ANK2: variants seen among roughly 807,000 people sequenced by gnomAD.
ANK2 encodes ankyrin 2, also known as ankyrin-2.
A neutral mutation model predicts 360.5 loss-of-function variants in ANK2; 83 were observed. The observed-to-expected ratio is 0.23, with a 90% CI of 0.19 to 0.28. The LOEUF (loss-of-function observed/expected upper bound fraction) is 0.28. Among genes scored for constraint, ANK2 ranks in the 10% least tolerant of loss-of-function variants. The probability of loss-of-function intolerance (pLI) is 1.00; values close to 1 mark genes in which losing one functional copy is unlikely to be tolerated. For missense variants in ANK2, 4,201 were observed against 4,795.7 expected (o/e 0.88, Z 3.66); for synonymous variants, 1,740 against 1,759.5 (o/e 0.99, Z 0.28).
At chr4:112,788,026 A>C in the ANK2 span, 4 of 902,630 alleles carry the variant, frequency 4.4e-6, no homozygotes, top group Non-Finnish European at 7.0e-6. Context: ...ATTTCTTTGA[A>C]GGAAAATTTG....
rs937380410 is a variant in ANK2 at position 113,315,742 on chromosome 4, C to G, written c.2694-1965C>G. Among the ~76,000 whole-genome samples, 6 of 151,442 alleles carry G rather than the reference C, an allele frequency of 4.0e-5. 1 individual carries two copies. The highest frequency in any genetic ancestry group is 6.6e-5 in the Admixed American group (1 of 15,230). On this transcript the variant is annotated intron_variant, in intron 24 of 45. Coordinates refer to ENST00000357077, the MANE Select transcript of ANK2 (RefSeq NM_001148.6). ...TGAAACCCTGTCTCTACTAAAAATA[C>G]AAAAAAATTAGCCAGGCGTGGTGGC...
At chr4:113,075,472 T>C (rs568283789) in intron 1 of ANK2, among the ~76,000 whole-genome samples, 9 of 152,276 alleles carry the variant, frequency 5.9e-5, no homozygotes, top group East Asian at 5.8e-4. Context: ...AAAGATGTCC[T>C]CAACATCACC....
At chr4:113,376,142 G>T (rs988563148) in intron 45 of ANK2, among the ~76,000 whole-genome samples, 1 of 152,160 alleles carries the variant, frequency 6.6e-6, no homozygotes, top group East Asian at 1.9e-4. Flanking sequence ...TAATGACAGG[G>T]ATATGTGCTG....
At chr4:113,135,557 A>ATGATAAGAG (rs1220734057) in intron 1 of ANK2, among the ~76,000 whole-genome samples, 2 of 151,558 alleles carry the variant, frequency 1.3e-5, no homozygotes, top group African/African-American at 4.8e-5. Context: ...GTAGACATTT[A>ATGATAAGAG]TGATAAGAGT....
At chr4:112,954,415 A>C (rs1288260987) in intron 2 of ANK2, among the ~76,000 whole-genome samples, 4 of 152,166 alleles carry the variant, frequency 2.6e-5, no homozygotes, top group Non-Finnish European at 5.9e-5. Flanking sequence ...TTGTGGAAAC[A>C]ATGAGATAAG....
intron 22 of ANK2, among the ~76,000 whole-genome samples, chr4:113,298,396 G>T (rs2153776242): frequency 6.6e-6 from 1 of 152,304 alleles, no homozygotes; most frequent in African/African-American, 2.4e-5. Flanking sequence ...CACTAAGTAT[G>T]CTGTGGTGGC....
intron 2 of ANK2, among the ~76,000 whole-genome samples, chr4:112,969,424 G>A (rs572903345): frequency 7.6e-4 from 115 of 152,074 alleles, no homozygotes; most frequent in African/African-American, 2.6e-3. Context: ...TTTATCTTCC[G>A]CCTTCCTCTC....
At chr4:113,140,133 C>T (rs560889559) in intron 1 of ANK2, among the ~76,000 whole-genome samples, 130 of 152,260 alleles carry the variant, frequency 8.5e-4, no homozygotes, top group African/African-American at 2.8e-3. Flanking sequence ...TACCCAAACA[C>T]GGAAGAAAAT....
intron 2 of ANK2, among the ~76,000 whole-genome samples, chr4:112,938,603 A>G (rs760925473): frequency 1.1e-4 from 17 of 152,244 alleles, no homozygotes; most frequent in Non-Finnish European, 1.9e-4. Context: ...AAACAAAAAG[A>G]ATGCATTCCA....
At chr4:112,912,786 G>A (rs900045431) in intron 2 of ANK2, among the ~76,000 whole-genome samples, 2 of 152,018 alleles carry the variant, frequency 1.3e-5, no homozygotes, top group Admixed American at 6.6e-5. Context: ...GGCTGAGGTG[G>A]GAGGATAGCT....
At chr4:112,886,490 C>A (rs2078392712) in intron 1 of ANK2, among the ~76,000 whole-genome samples, 1 of 151,810 alleles carries the variant, frequency 6.6e-6, no homozygotes, top group Admixed American at 6.6e-5. Context: ...TGGTGAAACT[C>A]GTCTCTATTA....
intron 1 of ANK2, among the ~76,000 whole-genome samples, chr4:112,867,562 C>G (rs762119466): frequency 6.6e-6 from 1 of 152,044 alleles, no homozygotes; most frequent in East Asian, 1.9e-4. Context: ...CCCTTTCCCC[C>G]CTACTCCCTC....
At chr4:112,924,388 C>A (rs886746493) in intron 2 of ANK2, among the ~76,000 whole-genome samples, 2 of 149,066 alleles carry the variant, frequency 1.3e-5, no homozygotes. Flanking sequence ...AAAAGAAAAA[C>A]AGAAAAAAAG....
chr4:112,728,061 A>G, the ANK2 span, among the ~76,000 whole-genome samples: 22 of 151,930 alleles, frequency 1.4e-4, no homozygotes, highest in Non-Finnish European at 1.0e-4. Flanking sequence ...TTGGGAGGCC[A>G]AGGAAGGCGG....
intron 2 of ANK2, among the ~76,000 whole-genome samples, chr4:113,023,717 G>C (rs2058658826): frequency 6.6e-6 from 1 of 152,198 alleles, no homozygotes; most frequent in African/African-American, 2.4e-5. Flanking sequence ...ACCATAGGCT[G>C]TATGACAGCG....
chr4:112,907,584 A>T (rs1388289158), intron 2 of ANK2, among the ~76,000 whole-genome samples: 1 of 152,162 alleles, frequency 6.6e-6, no homozygotes, highest in Admixed American at 6.5e-5. Flanking sequence ...GAAAAGTACA[A>T]TTCTAGGTGA....
chr4:113,272,716 A>G (rs2153683142), intron 14 of ANK2, among the ~76,000 whole-genome samples: 1 of 152,276 alleles, frequency 6.6e-6, no homozygotes, highest in Admixed American at 6.5e-5. Flanking sequence ...CCTCTAGTCA[A>G]TGATTGCCAC....
At chr4:113,085,679 A>G (rs1044865922) in intron 1 of ANK2, among the ~76,000 whole-genome samples, 3 of 152,188 alleles carry the variant, frequency 2.0e-5, no homozygotes, top group African/African-American at 7.2e-5. Context: ...TCTAAGAGAT[A>G]ACTTTGTAAA....
intron 45 of ANK2, chr4:113,378,220 C>A (rs2097029276): frequency 3.8e-6 from 4 of 1,042,810 alleles, no homozygotes; most frequent in Non-Finnish European, 5.1e-6. Flanking sequence ...CCAACTAACA[C>A]CATAAAAATT....
Sources: allele counts gnomAD v4.1 joint callset (sites outside exome capture counted in the v4.1 genomes callset), GRCh38; gene constraint gnomAD v4.1.1; transcripts MANE v1.5; gene names NCBI Gene and HGNC (gene_info 2026-07-23, HGNC 2026-07-21).